Variants in PIAS1 observed in about 807,000 individuals in gnomAD.
PIAS1 encodes the protein protein inhibitor of activated STAT 1.
A neutral mutation model predicts 71.3 loss-of-function variants in PIAS1; 6 were observed. The observed-to-expected ratio is 0.08, with a 90% CI of 0.05 to 0.17. PIAS1 has a LOEUF of 0.17. PIAS1 is among the 10% of genes least tolerant of loss of function. The pLI, the probability that PIAS1 is intolerant of heterozygous loss-of-function variation, is 1.00. For missense variants in PIAS1, 555 were observed against 793.6 expected, an observed-to-expected ratio of 0.70 and a Z score of 3.61; for synonymous variants, 303 against 292.9, an observed-to-expected ratio of 1.03 and a Z score of -0.35.
At chr15:68,085,033 C>T (rs2140980690) in intron 1 of PIAS1, among the ~76,000 whole-genome samples, 1 of 152,232 alleles carries the variant, frequency 6.6e-6, no homozygotes, top group Non-Finnish European at 1.5e-5. Context: ...CTTTTCTCCT[C>T]AGTATTTTAT....
chr15:68,062,657 T>C (rs2091972613), intron 1 of PIAS1, among the ~76,000 whole-genome samples: 2 of 152,216 alleles, frequency 1.3e-5, no homozygotes, highest in African/African-American at 4.8e-5. Flanking sequence ...CTTGTATTCA[T>C]TTTTTTCTCT....
intron 2 of PIAS1, among the ~76,000 whole-genome samples, chr15:68,090,927 G>GGTGTGTGTGTGTGTGTGTGTGT (rs10667510): frequency 4.9e-5 from 7 of 142,856 alleles, no homozygotes; most frequent in Middle Eastern, 3.5e-3. Flanking sequence ...GTCATTTACG[G>GGTGTGTGTGTGTGTGTGTGTGT]GTGTGTGTGT....
At chr15:68,169,933 C>A (rs1237092473) in intron 8 of PIAS1, among the ~76,000 whole-genome samples, 2 of 151,966 alleles carry the variant, frequency 1.3e-5, no homozygotes, top group Non-Finnish European at 2.9e-5. Context: ...AGAATTCACA[C>A]AGTAGGTAGG....
At position 68,173,758 on chromosome 15, in the gene PIAS1, G is replaced by A. The variant is rs750681009; in HGVS notation, c.1035G>A (p.Pro345=). The part of the protein sequence containing the change: ...CPLGKMRLTI[P]CRALTCSHLQ... Reference sequence around the variant, plus strand: ...TTGGTAAAATGCGGCTGACAATTCCGTGTCGGGCCCTTACATGTTCTCATC... The same window carrying A: ...TTGGTAAAATGCGGCTGACAATTCCATGTCGGGCCCTTACATGTTCTCATC... Residue 345 remains proline, a synonymous_variant, in exon 9 of 14, where the codon CCG becomes CCA. Coordinates refer to ENST00000249636, the MANE Select transcript of PIAS1 (RefSeq NM_016166.3). This position sits in a 1 kb window ranked among gnomAD's most constrained non-coding sequence, Gnocchi z 4.3. 6.8e-5 allele frequency: 105 copies of A among 1,555,530 alleles called. No individual in the cohort carries two copies. Among genetic ancestry groups the A allele is most frequent in the Admixed American group, 1.8e-4 (10 of 55,696 alleles).
chr15:68,134,839 G>A, intron 2 of PIAS1, among the ~76,000 whole-genome samples: 1 of 47,452 alleles, frequency 2.1e-5, no homozygotes, highest in Non-Finnish European at 8.6e-5. Flanking sequence ...TGGCCGGGCG[G>A]GGGGCTGACC....
At chr15:68,184,489 AG>A (rs2093074770) in intron 13 of PIAS1, 1 of 152,258 alleles carries the variant, frequency 6.6e-6, no homozygotes, top group Non-Finnish European at 1.5e-5. Context: ...CAAAGCAAAA[AG>A]TTTGTTTGCA....
rs1479203852 is a variant in PIAS1 at position 68,191,011 on chromosome 15, A to T, written c.*3176A>T. The T allele has an allele frequency of 2.6e-5, 4 of 152,538 alleles. No homozygotes were observed. The highest frequency in any genetic ancestry group is 9.6e-5 in the African/African-American group (4 of 41,592). The allele number at this position is 152,538 out of a possible 1,614,324, so 9.4% of individuals were successfully genotyped here. Reference sequence around the variant, plus strand: ...TTTAGACAATTTCAATTTTAAACACATAAAACTTTCAAGATCTTCAGGACT... The same window carrying T: ...TTTAGACAATTTCAATTTTAAACACTTAAAACTTTCAAGATCTTCAGGACT... On this transcript the variant is annotated 3_prime_UTR_variant, in exon 14 of 14. Coordinates refer to ENST00000249636, the MANE Select transcript of PIAS1 (RefSeq NM_016166.3).
intron 2 of PIAS1, chr15:68,087,761 C>A: frequency 3.1e-6 from 1 of 318,166 alleles, no homozygotes; most frequent in South Asian, 2.4e-5. Flanking sequence ...ACATTTTTTG[C>A]GAATTTTTGA....
chr15:68,116,513 T>A (rs2092566180), intron 2 of PIAS1, among the ~76,000 whole-genome samples: 1 of 152,132 alleles, frequency 6.6e-6, no homozygotes, highest in South Asian at 2.1e-4. Flanking sequence ...TCATTTTGAT[T>A]TTCAAGAAGA....
chr15:68,144,709 T>G (rs2092796130), intron 4 of PIAS1, among the ~76,000 whole-genome samples: 1 of 152,160 alleles, frequency 6.6e-6, no homozygotes, highest in South Asian at 2.1e-4. Context: ...GCTAAGTATA[T>G]TTCTAGAAAA....
rs2093091074 is a variant in PIAS1, at chr15:68,186,829, G to T, written c.1663-713G>T. Among the ~76,000 whole-genome samples the T allele has an allele frequency of 6.6e-6, 1 of 152,262 alleles. No individual in the cohort carries two copies. Among genetic ancestry groups the T allele is most frequent in the Non-Finnish European group, 1.5e-5 (1 of 68,048 alleles). ...TGCTGTACAGGTTTGTAGCCTGGGA[G>T]CAGTAGGCCAGACCACACAGCCTAG... On this transcript the variant is annotated intron_variant, in intron 13 of 13. Coordinates refer to ENST00000249636, the MANE Select transcript of PIAS1 (RefSeq NM_016166.3). The surrounding 1 kb of genome is among the most constrained non-coding windows in gnomAD (Gnocchi z 4.4).
rs2093099066 is a variant in PIAS1 at position 68,187,968 on chromosome 15, GA to G, written c.*139del. ...GCGTGTTTTTTTTCCTTTTTTTAGG[GA>G]AAAAATTAAAAGAAATGTACAGAGA... On this transcript the variant is annotated 3_prime_UTR_variant, in exon 14 of 14. Coordinates refer to ENST00000249636, the MANE Select transcript of PIAS1 (RefSeq NM_016166.3). This position sits in a 1 kb window ranked among gnomAD's most constrained non-coding sequence, Gnocchi z 5.3. 11 of 761,612 alleles carry G rather than the reference GA, an allele frequency of 1.4e-5. No individual in the cohort carries two copies. Among genetic ancestry groups the G allele is most frequent in the Non-Finnish European group, 1.8e-5 (9 of 486,668 alleles). 47.2% of individuals were successfully genotyped at this position (761,612 alleles called of 1,614,324 possible). A position where few individuals can be genotyped will look rare whatever the true frequency, so the allele number is the denominator to read the frequency against.
Position 68,183,684 on chromosome 15 carries a change from T to G in PIAS1, c.1662+17T>G. 1 of 948,816 alleles carries G rather than the reference T, an allele frequency of 1.1e-6. No homozygotes were observed. Among genetic ancestry groups the G allele is most frequent in the Non-Finnish European group, 1.6e-6 (1 of 615,434 alleles). The allele number at this position is 948,816 out of a possible 1,614,324, so 58.8% of individuals were successfully genotyped here. A position where few individuals can be genotyped will look rare whatever the true frequency, so the allele number is the denominator to read the frequency against. On this transcript the variant is annotated intron_variant, in intron 13 of 13. Coordinates refer to ENST00000249636, the MANE Select transcript of PIAS1 (RefSeq NM_016166.3). Reference sequence around the variant, plus strand: ...GACAATCAGGTATGTTATGAAAAATTTACTATTATTTTAATTGTACATTAA... The same window carrying G: ...GACAATCAGGTATGTTATGAAAAATGTACTATTATTTTAATTGTACATTAA...
intron 2 of PIAS1, among the ~76,000 whole-genome samples, chr15:68,112,706 TG>T (rs1277927513): frequency 2.0e-5 from 3 of 152,344 alleles, no homozygotes; most frequent in Admixed American, 6.5e-5. Flanking sequence ...CACTGTCCAG[TG>T]TCGGCAAGGA....
intron 2 of PIAS1, among the ~76,000 whole-genome samples, chr15:68,117,777 T>C (rs2092578375): frequency 1.3e-5 from 2 of 152,368 alleles, no homozygotes; most frequent in South Asian, 4.1e-4. Flanking sequence ...TTTAGGTTGA[T>C]TTCATATCTT....
At chr15:68,137,119 T>A (rs1354821889) in intron 2 of PIAS1, among the ~76,000 whole-genome samples, 1 of 152,202 alleles carries the variant, frequency 6.6e-6, no homozygotes, top group Non-Finnish European at 1.5e-5. Flanking sequence ...TTGCGATGTG[T>A]CAGGATTCAT....
chr15:68,161,174 T>C (rs2141073155), intron 7 of PIAS1, among the ~76,000 whole-genome samples: 1 of 152,268 alleles, frequency 6.6e-6, no homozygotes, highest in East Asian at 1.9e-4. Context: ...CAATTGGAAA[T>C]TGAAATTCAA....
chr15:68,054,426 G>A lies in PIAS1; in HGVS notation c.24+76G>A. ...CGCTGCTGCCAGGGGGGATGGGTCCGACCCTGGGGGGCCTCTCGGGCCTGA... is the reference window on the plus strand; with the variant it reads ...CGCTGCTGCCAGGGGGGATGGGTCCAACCCTGGGGGGCCTCTCGGGCCTGA... On this transcript the variant is annotated intron_variant, in intron 1 of 13. Transcript: ENST00000249636. This position sits in a 1 kb window ranked among gnomAD's most constrained non-coding sequence, Gnocchi z 4.6. The A allele has an allele frequency of 6.9e-7, 1 of 1,453,236 alleles. No homozygotes were observed. Among genetic ancestry groups the A allele is most frequent in the Non-Finnish European group, 9.4e-7 (1 of 1,060,914 alleles). 90.0% of individuals were successfully genotyped at this position (1,453,236 alleles called of 1,614,324 possible).
chr15:68,146,422 A>G (rs773248670), intron 5 of PIAS1, 144 bp from the exon 6 acceptor site: 74 of 636,696 alleles, frequency 1.2e-4, no homozygotes, highest in Non-Finnish European at 2.0e-4. Context: ...AACACAAGAA[A>G]CTTGTAAATG....
Sources: allele counts gnomAD v4.1 joint callset (sites outside exome capture counted in the v4.1 genomes callset), GRCh38; gene constraint gnomAD v4.1.1; non-coding constraint Gnocchi (gnomAD v3.1); transcripts MANE v1.5; gene names NCBI Gene and HGNC (gene_info 2026-07-23, HGNC 2026-07-21).